The following HERC4 variants were observed in gnomAD, a reference collection of about 807,000 sequenced individuals.
HERC4 encodes the protein HECT and RLD domain containing E3 ubiquitin protein ligase 4.
Under a neutral mutation model 124.3 loss-of-function variants are expected in HERC4, and 28 were observed. That is an observed-to-expected ratio of 0.23 (90% CI 0.17 to 0.31). The LOEUF (loss-of-function observed/expected upper bound fraction) is 0.31, where lower values mean the gene tolerates loss of function less well. Among genes scored for constraint, HERC4 ranks in the 10% least tolerant of loss-of-function variants. HERC4 has a pLI of 1.00. For missense variants in HERC4, 713 were observed against 1,229.3 expected (o/e 0.58, Z 6.28); for synonymous variants, 407 against 421.5 (o/e 0.97, Z 0.42).
intron 3 of HERC4, among the ~76,000 whole-genome samples, chr10:68,056,367 C>T (rs1320661746): frequency 6.6e-6 from 1 of 152,156 alleles, no homozygotes; most frequent in Non-Finnish European, 1.5e-5. Flanking sequence ...AACAACCCTG[C>T]CCTGAGTTCC....
chr10:67,968,125 A>C (rs1398283578), intron 15 of HERC4, among the ~76,000 whole-genome samples: 2 of 152,114 alleles, frequency 1.3e-5, no homozygotes, highest in Non-Finnish European at 2.9e-5. Flanking sequence ...GATAGAGCTC[A>C]AGCAGAAAGC....
intron 23 of HERC4, among the ~76,000 whole-genome samples, chr10:67,927,430 A>ATATATTTTTT (rs1564911511): frequency 5.3e-5 from 2 of 37,904 alleles, no homozygotes; most frequent in East Asian, 7.2e-4. Flanking sequence ...ATATATATAT[A>ATATATTTTTT]TTTTTTTTTT....
intron 5 of HERC4, among the ~76,000 whole-genome samples, chr10:68,036,479 T>C (rs893172301): frequency 6.6e-6 from 1 of 151,798 alleles, no homozygotes; most frequent in African/African-American, 2.4e-5. Context: ...AAAAGAGGAG[T>C]TGGCAAAACA....
At chr10:68,012,165 G>C (rs1374764976) in intron 9 of HERC4, among the ~76,000 whole-genome samples, 2 of 152,100 alleles carry the variant, frequency 1.3e-5, no homozygotes, top group Non-Finnish European at 2.9e-5. Flanking sequence ...TGTTGTGGCT[G>C]GTGTGATTTT....
chr10:68,035,365 C>T (rs956019895), intron 5 of HERC4, among the ~76,000 whole-genome samples: 7 of 152,000 alleles, frequency 4.6e-5, no homozygotes, highest in South Asian at 2.1e-4. Flanking sequence ...ACCATGGTGG[C>T]GAGGCTGGTC....
rs58740599 is a variant in HERC4 at position 67,970,107 on chromosome 10, T to C, written c.1807-3305A>G. On this transcript the variant is annotated intron_variant, in intron 15 of 24. Transcript: ENST00000373700. ...TTAGAGGCCTCAAATTCCTCTAGCA[T>C]TACAGGCCTGTAGTGTAATGAAGGT... 4.2e-3 allele frequency among the ~76,000 whole-genome samples: 640 copies of C among 152,296 alleles called. 5 individuals carry two copies. The highest frequency in any genetic ancestry group is 0.015 in the African/African-American group (611 of 41,554).
intron 14 of HERC4, 109 bp from the exon 15 acceptor site, chr10:67,988,944 A>C (rs2132736732): frequency 1.2e-6 from 1 of 831,086 alleles, no homozygotes; most frequent in Non-Finnish European, 2.0e-6. Flanking sequence ...ACCTGAGAAA[A>C]CCCCAGAAAG....
At chr10:67,996,176 G>A (rs980501701) in intron 9 of HERC4, 3 of 444,770 alleles carry the variant, frequency 6.7e-6, no homozygotes, top group Admixed American at 2.4e-5. Flanking sequence ...GCGTGGTGGC[G>A]CATGCCTGTA....
intron 3 of HERC4, among the ~76,000 whole-genome samples, chr10:68,057,043 T>C (rs1030038578): frequency 6.6e-6 from 1 of 152,212 alleles, no homozygotes; most frequent in South Asian, 2.1e-4. Flanking sequence ...ATGGCTTCCA[T>C]TTTAAATGTT....
chr10:67,940,499 A>C (rs944024030), intron 20 of HERC4, among the ~76,000 whole-genome samples: 4 of 152,010 alleles, frequency 2.6e-5, no homozygotes, highest in Admixed American at 2.0e-4. Context: ...GGCTCACTGC[A>C]ACCTCCGCCT....
chr10:67,993,970 T>C (rs2036706067), intron 9 of HERC4: 1 of 152,226 alleles, frequency 6.6e-6, no homozygotes. Context: ...GTTAATTTCC[T>C]TGATTATTCC....
At chr10:68,066,781 T>C (rs548637108) in intron 3 of HERC4, among the ~76,000 whole-genome samples, 1 of 152,184 alleles carries the variant, frequency 6.6e-6, no homozygotes, top group African/African-American at 2.4e-5. Flanking sequence ...GGCATTACCA[T>C]AGTTAAGTTT....
intron 4 of HERC4, 37 bp from the exon 5 acceptor site, chr10:68,038,206 C>A (rs781755098): frequency 9.6e-7 from 1 of 1,042,920 alleles, no homozygotes; most frequent in South Asian, 1.7e-5. Flanking sequence ...CCAGTTAATT[C>A]CATTTAACAA....
chr10:68,005,508 T>G (rs2037486984), intron 9 of HERC4, among the ~76,000 whole-genome samples: 1 of 152,166 alleles, frequency 6.6e-6, no homozygotes. Flanking sequence ...CAGTGTCTTT[T>G]GACTGGGCAG....
chr10:67,954,435 C>T (rs918290228), intron 19 of HERC4, 160 bp downstream of exon 19: 2 of 483,748 alleles, frequency 4.1e-6, no homozygotes, highest in African/African-American at 4.0e-5. Context: ...ATTTTGACAA[C>T]TCCAAGTCCA....
chr10:68,036,563 C>T (rs1017713930), intron 5 of HERC4, among the ~76,000 whole-genome samples: 1 of 152,076 alleles, frequency 6.6e-6, no homozygotes, highest in African/African-American at 2.4e-5. Flanking sequence ...ACATTTAAGG[C>T]CCTTTATAAC....
chr10:67,976,753 ATG>A (rs962716369), intron 15 of HERC4, among the ~76,000 whole-genome samples: 2 of 152,208 alleles, frequency 1.3e-5, no homozygotes, highest in Admixed American at 6.5e-5. Context: ...GAGAGAAAGA[ATG>A]CAGCAATTGT....
Position 68,025,530 on chromosome 10 carries a change from T to C in HERC4, c.908+16A>G. The C allele has an allele frequency of 1.2e-6, 2 of 1,605,816 alleles. No individual in the cohort carries two copies. Among genetic ancestry groups the C allele is most frequent in the South Asian group, 1.1e-5 (1 of 89,528 alleles). ...GCAGTTTAGAGACCAAAATGCTCTT[T>C]TACATAACACCTTACCGTCCACAAG... On this transcript the variant is annotated intron_variant, in intron 8 of 24. Transcript: ENST00000373700.
chr10:67,937,555 A>C (rs2032471434), intron 21 of HERC4, among the ~76,000 whole-genome samples: 1 of 152,248 alleles, frequency 6.6e-6, no homozygotes, highest in Non-Finnish European at 1.5e-5. Context: ...TCAAATAAAA[A>C]AGAACCAAAA....
Sources: gnomAD v4.1 joint callset for allele counts (sites outside exome capture counted in the v4.1 genomes callset) on GRCh38, gnomAD v4.1.1 for gene constraint, MANE v1.5 for transcripts, NCBI Gene and HGNC (gene_info 2026-07-23, HGNC 2026-07-21) for gene names.